PDZD8: variants seen among roughly 807,000 people sequenced by gnomAD.
The protein encoded by PDZD8 is PDZ domain containing 8, also known as PDZ domain-containing protein 8.
PDZD8 carries 14 observed loss-of-function variants against 85.8 expected under a neutral mutation model. The ratio of observed to expected loss-of-function variants is 0.16; its 90% CI spans 0.11 to 0.26. PDZD8 has a LOEUF of 0.26. Ranked by LOEUF, PDZD8 falls within the 10% of genes least tolerant of loss-of-function variation. PDZD8 has a pLI of 1.00. For missense variants in PDZD8, 1,197 were observed against 1,424.3 expected, an observed-to-expected ratio of 0.84 and a Z score of 2.57; for synonymous variants, 592 against 568.6, an observed-to-expected ratio of 1.04 and a Z score of -0.59.
intron 1 of PDZD8, among the ~76,000 whole-genome samples, chr10:117,364,411 T>C (rs530188909): frequency 4.6e-5 from 7 of 152,222 alleles, no homozygotes; most frequent in African/African-American, 1.7e-4. Flanking sequence ...TCAGTTCACT[T>C]TGTGAAAATT....
chr10:117,355,147 GC>G (rs1166060882), intron 1 of PDZD8, among the ~76,000 whole-genome samples: 1 of 152,008 alleles, frequency 6.6e-6, no homozygotes, highest in East Asian at 1.9e-4. Context: ...CATACACAAG[GC>G]TCCTCTATAT....
Position 117,374,832 on chromosome 10 carries a change from C to T in PDZD8, c.396G>A (p.Gln132=). ...KIKVEFEELL[Q]TKTAGRLLEG... ...CCAGCAGGCGCCCGGCCGTCTTGGT[C>T]TGCAGCAGCTCCTCGAACTCCACCT... Residue 132 remains glutamine, a synonymous_variant, in exon 1 of 5, where the codon CAG becomes CAA. Coordinates refer to ENST00000334464, the MANE Select transcript of PDZD8 (RefSeq NM_173791.5). The surrounding 1 kb of genome is among the most constrained non-coding windows in gnomAD (Gnocchi z 7.8). 1 of 1,613,546 alleles carries T rather than the reference C, an allele frequency of 6.2e-7. No individual in the cohort carries two copies. Among genetic ancestry groups the T allele is most frequent in the Non-Finnish European group, 8.5e-7 (1 of 1,179,926 alleles).
chr10:117,366,960 A>C (rs1589597225), intron 1 of PDZD8, among the ~76,000 whole-genome samples: 1 of 152,206 alleles, frequency 6.6e-6, no homozygotes, highest in East Asian at 1.9e-4. Context: ...CCCTGCTCAT[A>C]TGATAGATTG....
In PDZD8 at chr10:117,374,886, C is replaced by T. The variant is rs1845266602; in HGVS notation, c.342G>A (p.Leu114=). Residue 114 remains leucine (L), a synonymous_variant, in exon 1 of 5, where the codon CTG becomes CTA. Transcript: ENST00000334464. The surrounding 1 kb of genome is among the most constrained non-coding windows in gnomAD (Gnocchi z 7.8). ...TCTTCTTGGTGACCCAGCGGCGGGT[C>T]AGCGCGGTGTCCCGCAACTCCCGGA... ...FLFRELRDTA[L]TRRWVTKKIK... 1 of 1,613,518 alleles carries T rather than the reference C, an allele frequency of 6.2e-7. No homozygotes were observed. Among genetic ancestry groups the T allele is most frequent in the Non-Finnish European group, 8.5e-7 (1 of 1,179,894 alleles).
At chr10:117,318,845 A>G (rs1844174830) in intron 3 of PDZD8, 27 bp downstream of exon 3, 2 of 1,455,382 alleles carry the variant, frequency 1.4e-6, no homozygotes, top group South Asian at 2.3e-5. Flanking sequence ...CTTTATATAG[A>G]TATAAATCAC....
intron 1 of PDZD8, among the ~76,000 whole-genome samples, chr10:117,345,828 T>G (rs2255367): frequency 0.77 from 116,956 of 152,098 alleles, 45,612 homozygotes; most frequent in Non-Finnish European, 0.85. Context: ...GTAGTAGGCT[T>G]TGGAGAGAAT....
chr10:117,366,583 C>CACCACCATT (rs1346354972), intron 1 of PDZD8, among the ~76,000 whole-genome samples: 2 of 141,384 alleles, frequency 1.4e-5, no homozygotes, highest in Non-Finnish European at 3.0e-5. Flanking sequence ...CCACCACTGT[C>CACCACCATT]ACCACCATTA....
At chr10:117,373,371 T>C (rs927976260) in intron 1 of PDZD8, among the ~76,000 whole-genome samples, 1 of 152,034 alleles carries the variant, frequency 6.6e-6, no homozygotes, top group African/African-American at 2.4e-5. Flanking sequence ...TGGATCTGTG[T>C]TCTACAATCT....
chr10:117,343,841 A>G (rs538592291), intron 1 of PDZD8, among the ~76,000 whole-genome samples: 1 of 152,368 alleles, frequency 6.6e-6, no homozygotes, highest in African/African-American at 2.4e-5. Context: ...CGGCAAGCCA[A>G]TAAATAGAAT....
chr10:117,350,486 G>A (rs1772804), intron 1 of PDZD8, among the ~76,000 whole-genome samples: 14 of 151,026 alleles, frequency 9.3e-5, no homozygotes, highest in African/African-American at 3.4e-4. Context: ...GGCTGGTCTC[G>A]AACTCCTGAC....
rs921618489 is a variant in PDZD8 at position 117,278,176 on chromosome 10, T to C, written c.*5092A>G. On this transcript the variant is annotated 3_prime_UTR_variant, in exon 5 of 5. Coordinates refer to ENST00000334464, the MANE Select transcript of PDZD8 (RefSeq NM_173791.5). The stretch of plus-strand genomic sequence containing the variant: ...GAAGCTGAAAACAGCTGCTCTGACT[T>C]TAATATCTGACTATATCTTTGATCT... 3.3e-5 allele frequency: 5 copies of C among 152,210 alleles called. No homozygotes were observed. The highest frequency in any genetic ancestry group is 9.7e-5 in the African/African-American group (4 of 41,450). The allele number at this position is 152,210 out of a possible 1,614,324, so 9.4% of individuals were successfully genotyped here.
intron 3 of PDZD8, among the ~76,000 whole-genome samples, chr10:117,305,970 T>C (rs1843936509): frequency 6.6e-6 from 1 of 152,174 alleles, no homozygotes; most frequent in Non-Finnish European, 1.5e-5. Context: ...TGACATCTGA[T>C]ATCTACCACA....
rs150645978 is a variant in PDZD8 at position 117,284,607 on chromosome 10, C to T, written c.2126G>A (p.Arg709Lys). ...GCACCACAATGCAATGTTTAAGTAC[C>T]TGTGACAGGCTTCTATGTCAAACAA... ...SCLFDIEACHRYLNIALWCRD... is the reference protein window; with the variant it reads ...SCLFDIEACHKYLNIALWCRD... The change falls in exon 5 of 5, where the codon AGG becomes AAG. Residue 709 changes from arginine to lysine, a missense_variant. By Grantham distance (26) the Arg-to-Lys change is conservative (BLOSUM62 2). This residue lies in a region of PDZD8 where 418 missense variants were observed against 571.1 expected (regional missense o/e 0.73). Transcript: ENST00000334464. 5.0e-5 allele frequency: 80 copies of T among 1,614,080 alleles called. 1 individual carries two copies. Among genetic ancestry groups the T allele is most frequent in the Non-Finnish European group, 6.7e-5 (79 of 1,180,040 alleles).
intron 3 of PDZD8, among the ~76,000 whole-genome samples, chr10:117,292,527 G>A (rs1040319616): frequency 6.6e-6 from 1 of 151,640 alleles, no homozygotes; most frequent in African/African-American, 2.4e-5. Flanking sequence ...CCTAAACAGT[G>A]TAAGTCTGAG....
In PDZD8 at chr10:117,375,392, G is replaced by T. The variant is rs1320101209; in HGVS notation, c.-165C>A. The T allele has an allele frequency of 2.7e-6, 1 of 373,536 alleles. No homozygotes were observed. The highest frequency in any genetic ancestry group is 2.1e-5 in the African/African-American group (1 of 46,988). The allele number at this position is 373,536 out of a possible 1,614,324, so 23.1% of individuals were successfully genotyped here. A position where few individuals can be genotyped will look rare whatever the true frequency, so the allele number is the denominator to read the frequency against. On this transcript the variant is annotated 5_prime_UTR_variant, in exon 1 of 5. Transcript: ENST00000334464. ...CTCGGGCCGGCGCGCTGCGGCGCCC[G>T]AGCCCGCAGCGGCCCGCGCCTCCTC... is the stretch of plus-strand genomic sequence containing the variant.
At chr10:117,369,557 C>G (rs972451106) in intron 1 of PDZD8, among the ~76,000 whole-genome samples, 4 of 152,156 alleles carry the variant, frequency 2.6e-5, no homozygotes, top group African/African-American at 9.7e-5. Context: ...TCCACTCCAG[C>G]TATTAAGTCT....
In PDZD8 at chr10:117,341,079, T is replaced by C. The variant is rs748358610; in HGVS notation, c.896A>G (p.Gln299Arg). Residue 299 changes from glutamine to arginine, a missense_variant, in exon 2 of 5, where the codon CAG (glutamine) becomes CGG (arginine). By Grantham distance (43) the Gln-to-Arg change is conservative. Around this residue, in one of 4 missense-constraint regions of PDZD8, gnomAD observed 344 missense variants for 453.6 expected, o/e 0.76. Coordinates refer to ENST00000334464, the MANE Select transcript of PDZD8 (RefSeq NM_173791.5). ...ATCTTCTTCAAATCCTTGCAAGGTC[T>C]GGTATGGAAAAAACGGCTTAAACCT... ...KIRFKPFFPY[Q>R]TLQGFEEDEE... 4 of 1,613,614 alleles carry C rather than the reference T, an allele frequency of 2.5e-6. No homozygotes were observed. The highest frequency in any genetic ancestry group is 4.5e-5 in the East Asian group (2 of 44,862).
chr10:117,292,362 G>C (rs1271454837), intron 3 of PDZD8, among the ~76,000 whole-genome samples: 2 of 152,072 alleles, frequency 1.3e-5, no homozygotes, highest in African/African-American at 4.8e-5. Context: ...GTAAAGTGCT[G>C]TACACAATTA....
At chr10:117,299,692 A>G (rs1843813668) in intron 3 of PDZD8, among the ~76,000 whole-genome samples, 1 of 151,616 alleles carries the variant, frequency 6.6e-6, no homozygotes, top group Non-Finnish European at 1.5e-5. Context: ...TATGATATCT[A>G]TTTCTCTGGA....
Sources: gnomAD v4.1 joint callset for allele counts (sites outside exome capture counted in the v4.1 genomes callset) on GRCh38, gnomAD v4.1.1 for gene constraint, gnomAD v4.1.1 regional missense constraint, Gnocchi (gnomAD v3.1) non-coding constraint, MANE v1.5 for transcripts, NCBI Gene and HGNC (gene_info 2026-07-23, HGNC 2026-07-21) for gene names.